PDE4D: variants seen among roughly 807,000 people sequenced by gnomAD.
The protein encoded by PDE4D is 3',5'-cyclic-AMP phosphodiesterase 4D.
A neutral mutation model predicts 87.4 loss-of-function variants in PDE4D; 24 were observed. That is an observed-to-expected ratio of 0.27 (90% CI 0.20 to 0.39). The LOEUF is 0.39. Ranked by LOEUF, PDE4D falls within the 10% of genes least tolerant of loss-of-function variation. The pLI is 1.00. For synonymous variants in PDE4D, 384 were observed against 383.2 expected, an observed-to-expected ratio of 1.00 and a Z score of -0.02; for missense variants, 714 against 1,041.0, an observed-to-expected ratio of 0.69 and a Z score of 4.32.
At position 59,984,689 on chromosome 5, in the gene PDE4D, G is replaced by A. The variant is rs144966726; in HGVS notation, c.272+3799C>T. Among the ~76,000 whole-genome samples the A allele has an allele frequency of 5.4e-3, 816 of 152,168 alleles. 5 individuals are homozygous for A. Among genetic ancestry groups the A allele is most frequent in the Middle Eastern group, 0.034 (10 of 294 alleles). On this transcript the variant is annotated intron_variant, in intron 3 of 16. Coordinates refer to the PDE4D transcript ENST00000502484. ...GAGGAAGCTAATAGCTGTCATCTAC[G>A]ACACTTATTTCTGCACATCAAAGTT...
intron 1 of PDE4D, among the ~76,000 whole-genome samples, chr5:59,891,473 G>A (rs146465246): frequency 2.0e-5 from 3 of 152,212 alleles, no homozygotes; most frequent in South Asian, 2.1e-4. Context: ...ACATAGTGTC[G>A]TGCTCAACCA....
chr5:60,397,384 C>A (rs2150038688), intron 1 of PDE4D, among the ~76,000 whole-genome samples: 1 of 152,306 alleles, frequency 6.6e-6, no homozygotes, highest in East Asian at 1.9e-4. Flanking sequence ...GATATGGAAT[C>A]AACCTAAGTT....
chr5:59,574,147 T>C (rs1480287823), intron 1 of PDE4D, among the ~76,000 whole-genome samples: 9 of 69,314 alleles, frequency 1.3e-4, no homozygotes, highest in Admixed American at 4.2e-4. Context: ...TATATATAAA[T>C]ATATATTTAT....
intron 1 of PDE4D, among the ~76,000 whole-genome samples, chr5:60,476,466 C>T (rs1748332458): frequency 6.6e-6 from 1 of 152,156 alleles, no homozygotes; most frequent in South Asian, 2.1e-4. Context: ...ACCCTTGCTC[C>T]CTATAGCCTG....
intron 1 of PDE4D, among the ~76,000 whole-genome samples, chr5:59,736,532 A>T (rs1758091039): frequency 1.3e-5 from 2 of 152,050 alleles, no homozygotes; most frequent in African/African-American, 4.8e-5. Flanking sequence ...TTCAAAAACT[A>T]GCCGGGCATG....
At chr5:59,719,700 A>G (rs1431003067) in intron 1 of PDE4D, among the ~76,000 whole-genome samples, 1 of 152,204 alleles carries the variant, frequency 6.6e-6, no homozygotes, top group Non-Finnish European at 1.5e-5. Context: ...GTTTTATCCC[A>G]TGAATACAAG....
At chr5:60,073,114 C>T (rs962546550) in intron 2 of PDE4D, among the ~76,000 whole-genome samples, 3 of 152,060 alleles carry the variant, frequency 2.0e-5, no homozygotes, top group Non-Finnish European at 4.4e-5. Flanking sequence ...ATGCTTCAAG[C>T]TTTTGCCCAT....
chr5:60,062,242 G>C (rs992283276), intron 2 of PDE4D, among the ~76,000 whole-genome samples: 2 of 152,028 alleles, frequency 1.3e-5, no homozygotes, highest in Non-Finnish European at 2.9e-5. Context: ...CCATTAAAAA[G>C]TGGGCAAAAA....
intron 1 of PDE4D, among the ~76,000 whole-genome samples, chr5:59,477,103 T>TAAAGGC (rs1240665971): frequency 6.6e-6 from 1 of 151,712 alleles, no homozygotes; most frequent in Admixed American, 6.6e-5. Context: ...ACAGAATATA[T>TAAAGGC]AAAGGCAACT....
intron 1 of PDE4D, among the ~76,000 whole-genome samples, chr5:59,236,659 C>T (rs1286513676): frequency 2.6e-5 from 4 of 152,078 alleles, no homozygotes; most frequent in Non-Finnish European, 4.4e-5. Flanking sequence ...CCAAAGCTGT[C>T]GTCACCAGGC....
chr5:59,077,907 C>G (rs1234237119), intron 5 of PDE4D, among the ~76,000 whole-genome samples: 1 of 152,146 alleles, frequency 6.6e-6, no homozygotes, highest in Non-Finnish European at 1.5e-5. Flanking sequence ...CAGATTTTAA[C>G]CAAAACTTCT....
intron 5 of PDE4D, among the ~76,000 whole-genome samples, chr5:59,141,935 T>TGGGATGTG (rs1321999289): frequency 6.6e-6 from 1 of 152,182 alleles, no homozygotes; most frequent in East Asian, 1.9e-4. Context: ...CACTGACCCA[T>TGGGATGTG]GGGATGTGGT....
At chr5:60,308,500 C>A (rs1185740293) in intron 1 of PDE4D, among the ~76,000 whole-genome samples, 1 of 152,090 alleles carries the variant, frequency 6.6e-6, no homozygotes, top group Non-Finnish European at 1.5e-5. Context: ...CCAATAATAA[C>A]AAATCTTTGG....
chr5:60,158,662 AC>A (rs1782203841), intron 2 of PDE4D, among the ~76,000 whole-genome samples: 1 of 152,200 alleles, frequency 6.6e-6, no homozygotes, highest in Non-Finnish European at 1.5e-5. Context: ...TCCTGGGTTC[AC>A]GCCATTCTCC....
chr5:59,021,476 T>C (rs1755140004), intron 6 of PDE4D, among the ~76,000 whole-genome samples: 1 of 152,210 alleles, frequency 6.6e-6, no homozygotes, highest in South Asian at 2.1e-4. Flanking sequence ...TATGGCAGCA[T>C]ATAAAGTTGA....
Position 59,180,521 on chromosome 5 carries a change from T to C in PDE4D, c.808+74A>G, listed in dbSNP as rs536172234. The C allele has an allele frequency of 4.2e-5, 47 of 1,126,292 alleles. No homozygotes were observed. In the Middle Eastern group the frequency reaches 7.9e-4, roughly 19 times the overall value. 69.8% of individuals were successfully genotyped at this position (1,126,292 alleles called of 1,614,324 possible). A position where few individuals can be genotyped will look rare whatever the true frequency, so the allele number is the denominator to read the frequency against. ...TCAAATTGCAGCATGAAATTGGTGT[T>C]GGTGTTATATTGACTCTTGGCAGAA... On this transcript the variant is annotated intron_variant, in intron 5 of 14. Transcript: ENST00000340635.
rs190136965 is a variant in PDE4D, at chr5:59,370,634, T to C, written c.456-154666A>G. Among the ~76,000 whole-genome samples, 3 of 152,332 alleles carry C rather than the reference T, an allele frequency of 2.0e-5. No individual in the cohort carries two copies. In the East Asian group the frequency reaches 5.8e-4, roughly 29 times the overall value. Reference sequence around the variant, plus strand: ...TAACCATCACGACACACATTTTGAATGTGTTTATGTATTTCATATATTTTG... The same window carrying C: ...TAACCATCACGACACACATTTTGAACGTGTTTATGTATTTCATATATTTTG... On this transcript the variant is annotated intron_variant, in intron 1 of 14. Coordinates refer to ENST00000340635, the MANE Select transcript of PDE4D (RefSeq NM_001104631.2).
chr5:59,962,305 T>C (rs1759556173), intron 3 of PDE4D, among the ~76,000 whole-genome samples: 1 of 151,974 alleles, frequency 6.6e-6, no homozygotes, highest in Admixed American at 6.6e-5. Context: ...TGAAAAGGAG[T>C]TAATCAAACT....
intron 1 of PDE4D, among the ~76,000 whole-genome samples, chr5:59,418,110 C>A (rs1356874429): frequency 6.6e-6 from 1 of 152,162 alleles, no homozygotes; most frequent in African/African-American, 2.4e-5. Flanking sequence ...AGTCTCCTTA[C>A]TCTAGTCTTC....
Sources: gnomAD v4.1 joint callset for allele counts (sites outside exome capture counted in the v4.1 genomes callset) on GRCh38, gnomAD v4.1.1 for gene constraint, MANE v1.5 for transcripts, NCBI Gene and HGNC (gene_info 2026-07-23, HGNC 2026-07-21) for gene names.